ATL2: variants seen among roughly 807,000 people sequenced by gnomAD.
ATL2 encodes the protein atlastin GTPase 2, also known as atlastin-2.
Under a neutral mutation model 73.9 loss-of-function variants are expected in ATL2, and 31 were observed. The ratio of observed to expected loss-of-function variants is 0.42; its 90% confidence interval spans 0.32 to 0.57. ATL2 has a LOEUF of 0.57. Ranked by LOEUF, ATL2 falls within the 20% of genes least tolerant of loss-of-function variation. The pLI is 0.14. For missense variants in ATL2, 738 were observed against 702.6 expected (o/e 1.05, Z -0.57); for synonymous variants, 291 against 237.5 (o/e 1.23, Z -2.07).
At chr2:38,357,666 A>AAAC (rs1335663774) in intron 1 of ATL2, among the ~76,000 whole-genome samples, 3 of 151,224 alleles carry the variant, frequency 2.0e-5, no homozygotes, top group African/African-American at 7.3e-5. Flanking sequence ...AAAAAAAAAA[A>AAAC]AAAAAACCTC....
At chr2:38,316,659 T>G (rs1558401684) in intron 4 of ATL2, among the ~76,000 whole-genome samples, 1 of 152,178 alleles carries the variant, frequency 6.6e-6, no homozygotes, top group Non-Finnish European at 1.5e-5. Flanking sequence ...TTATCTCATT[T>G]AGCTCTCATT....
chr2:38,308,739 C>G (rs1469797074), intron 9 of ATL2, among the ~76,000 whole-genome samples: 3 of 151,534 alleles, frequency 2.0e-5, no homozygotes, highest in Admixed American at 2.0e-4. Context: ...ATACTACGTA[C>G]CCACAAAAAT....
intron 2 of ATL2, among the ~76,000 whole-genome samples, chr2:38,339,307 G>A (rs556322567): frequency 2.6e-5 from 4 of 152,190 alleles, no homozygotes; most frequent in African/African-American, 4.8e-5. Context: ...TCTAGGAATC[G>A]TATTCTGTAT....
chr2:38,306,790 T>C (rs1258505372), intron 9 of ATL2, among the ~76,000 whole-genome samples: 1 of 152,186 alleles, frequency 6.6e-6, no homozygotes, highest in Admixed American at 6.5e-5. Flanking sequence ...GCTAGTATCT[T>C]ACTGAACTGG....
intron 6 of ATL2, among the ~76,000 whole-genome samples, chr2:38,314,302 A>C (rs1667909379): frequency 6.6e-6 from 1 of 152,258 alleles, no homozygotes; most frequent in African/African-American, 2.4e-5. Context: ...TATAAAAAAA[A>C]AATGGCATGA....
At chr2:38,349,554 AG>A (rs1323841969) in intron 1 of ATL2, among the ~76,000 whole-genome samples, 1 of 150,658 alleles carries the variant, frequency 6.6e-6, no homozygotes, top group Admixed American at 6.6e-5. Context: ...GGATAGCATT[AG>A]GAGTATACCT....
intron 2 of ATL2, among the ~76,000 whole-genome samples, chr2:38,320,683 C>A (rs1668271192): frequency 6.6e-6 from 1 of 152,112 alleles, no homozygotes; most frequent in African/African-American, 2.4e-5. Context: ...ATGTACCCCA[C>A]AGGAAAAACG....
intron 1 of ATL2, among the ~76,000 whole-genome samples, chr2:38,363,867 AAG>A (rs1671151301): frequency 6.6e-6 from 1 of 152,244 alleles, no homozygotes; most frequent in African/African-American, 2.4e-5. Context: ...TTGAGTACAA[AAG>A]TAGCCCTTTT....
Position 38,343,411 on chromosome 2 carries a change from C to A in ATL2, c.220G>T (p.Glu74Ter). The change falls in exon 2 of 13, where the codon GAA becomes TAA. Residue 74 changes from glutamate (E) to a stop codon, truncating the protein, a stop_gained. Transcript: ENST00000378954. LOFTEE classifies it high-confidence loss of function. ...TGCTCCAAAGCTTCTTCATCAAGTT[C>A]AAAGTTATGGTCATCTTCATGAGCA... ...VLAHEDDHNF[E>*]LDEEALEQIL... is the part of the protein sequence containing the mutation. 1 of 1,612,886 alleles carries A rather than the reference C, an allele frequency of 6.2e-7. No individual in the cohort carries two copies. The highest frequency in any genetic ancestry group is 1.1e-5 in the South Asian group (1 of 90,978).
chr2:38,356,285 C>A (rs1558446607), intron 1 of ATL2, among the ~76,000 whole-genome samples: 1 of 151,718 alleles, frequency 6.6e-6, no homozygotes, highest in Non-Finnish European at 1.5e-5. Flanking sequence ...ATGGTGCGAT[C>A]TCGGCTCAAG....
intron 1 of ATL2, among the ~76,000 whole-genome samples, chr2:38,345,482 A>G (rs1329653234): frequency 1.3e-5 from 2 of 152,352 alleles, no homozygotes; most frequent in East Asian, 3.9e-4. Flanking sequence ...CAAAGTCAAC[A>G]GCACTATTTC....
At chr2:38,358,879 A>C (rs1670842070) in intron 1 of ATL2, among the ~76,000 whole-genome samples, 1 of 152,160 alleles carries the variant, frequency 6.6e-6, no homozygotes, top group Admixed American at 6.6e-5. Context: ...AAGTACTGAC[A>C]AAGACACAAA....
intron 11 of ATL2, 104 bp from the exon 12 acceptor site, chr2:38,298,679 T>C (rs1667033995): frequency 5.8e-6 from 7 of 1,207,708 alleles, no homozygotes; most frequent in African/African-American, 1.5e-5. Context: ...ACTTACATGA[T>C]TGAGTCAGTT....
Position 38,333,502 on chromosome 2 carries a change from G to A in ATL2, c.363+9766C>T, listed in dbSNP as rs892956371. ...GTGGTTGAGTAGTCAGTGTTTATGA[G>A]TAACAGTTTGTTGCTTGAGGTATTT... On this transcript the variant is annotated intron_variant, in intron 2 of 12. Transcript: ENST00000378954. 2.0e-5 allele frequency among the ~76,000 whole-genome samples: 3 copies of A among 152,268 alleles called. No individual in the cohort carries two copies. The East Asian group carries it at 5.8e-4, about 29-fold the overall frequency.
At chr2:38,311,527 GAATA>G (rs947124666) in intron 7 of ATL2, among the ~76,000 whole-genome samples, 10 of 152,240 alleles carry the variant, frequency 6.6e-5, no homozygotes, top group African/African-American at 1.7e-4. Flanking sequence ...ACAGCAATGA[GAATA>G]AATAAATTAA....
chr2:38,365,042 T>C, intron 1 of ATL2, among the ~76,000 whole-genome samples: 1 of 135,434 alleles, frequency 7.4e-6, no homozygotes, highest in African/African-American at 3.2e-5. Flanking sequence ...AGACTCCGTC[T>C]CAAAAAAAAA....
intron 1 of ATL2, among the ~76,000 whole-genome samples, chr2:38,369,351 G>A (rs1671530051): frequency 6.6e-6 from 1 of 152,176 alleles, no homozygotes; most frequent in Non-Finnish European, 1.5e-5. Flanking sequence ...TTGGGAGGCA[G>A]AGGCACGAGA....
intron 2 of ATL2, among the ~76,000 whole-genome samples, chr2:38,319,298 C>A (rs1668192588): frequency 6.6e-6 from 1 of 152,128 alleles, no homozygotes; most frequent in Non-Finnish European, 1.5e-5. Context: ...CACTTTCCCC[C>A]TTTTCTGAAA....
chr2:38,351,480 T>C lies in ATL2; in HGVS notation c.119-7968A>G, dbSNP rs569857859. ...ACACATTTACACTCTAAAAAAATTA[T>C]ACATATATATATTTAATTTTTTTTT... On this transcript the variant is annotated intron_variant, in intron 1 of 12. Transcript: ENST00000378954. 2.0e-5 allele frequency among the ~76,000 whole-genome samples: 3 copies of C among 150,292 alleles called. No homozygotes were observed. The East Asian group carries it at 5.8e-4, about 29-fold the overall frequency.
Sources: allele counts gnomAD v4.1 joint callset (sites outside exome capture counted in the v4.1 genomes callset), GRCh38; gene constraint gnomAD v4.1.1; transcripts MANE v1.5; gene names NCBI Gene and HGNC (gene_info 2026-07-23, HGNC 2026-07-21).